Variants in MDGA2 observed in about 807,000 individuals in gnomAD.
MDGA2 encodes MAM domain-containing glycosylphosphatidylinositol anchor protein 2.
Under a neutral mutation model 117.8 loss-of-function variants are expected in MDGA2, and 40 were observed. The observed-to-expected ratio is 0.34, with a 90% CI of 0.26 to 0.44. MDGA2 has a LOEUF of 0.44. Ranked by LOEUF, MDGA2 falls within the 20% of genes least tolerant of loss-of-function variation. The probability of loss-of-function intolerance (pLI) is 1.00; values close to 1 mark genes in which losing one functional copy is unlikely to be tolerated. For synonymous variants in MDGA2, 452 were observed against 439.0 expected (o/e 1.03, Z -0.37); for missense variants, 1,123 against 1,250.6 (o/e 0.90, Z 1.54).
intron 9 of MDGA2, among the ~76,000 whole-genome samples, chr14:46,926,679 A>AG (rs1214208664): frequency 3.5e-5 from 3 of 85,620 alleles, no homozygotes; most frequent in African/African-American, 2.1e-4. Context: ...AATCTTGAGT[A>AG]AATTAATTAG....
At chr14:46,945,849 T>A (rs1185041096) in intron 9 of MDGA2, among the ~76,000 whole-genome samples, 1 of 152,038 alleles carries the variant, frequency 6.6e-6, no homozygotes, top group Non-Finnish European at 1.5e-5. Context: ...TCGTTTGTAG[T>A]AGAAAGGCTG....
At chr14:46,956,663 T>C (rs1413477526) in intron 9 of MDGA2, among the ~76,000 whole-genome samples, 1 of 151,728 alleles carries the variant, frequency 6.6e-6, no homozygotes, top group East Asian at 1.9e-4. Flanking sequence ...AAAAAAATGT[T>C]TGCAACTTGA....
chr14:47,244,963 C>T (rs761739115), intron 2 of MDGA2, among the ~76,000 whole-genome samples: 23 of 151,784 alleles, frequency 1.5e-4, no homozygotes, highest in Admixed American at 8.5e-4. Context: ...TGATGGTACA[C>T]TTCCACTTAA....
At chr14:47,447,863 ATT>A (rs1027311551) in intron 1 of MDGA2, among the ~76,000 whole-genome samples, 2 of 152,176 alleles carry the variant, frequency 1.3e-5, no homozygotes, top group Non-Finnish European at 2.9e-5. Flanking sequence ...CTCCTCTAAA[ATT>A]CTCTCATTTG....
chr14:46,929,643 A>T (rs1257659136), intron 9 of MDGA2, among the ~76,000 whole-genome samples: 1,176 of 19,404 alleles, frequency 0.061, 233 homozygotes, highest in Non-Finnish European at 0.071. Flanking sequence ...ATATATATAT[A>T]TATACATTTT....
At chr14:47,038,585 G>A (rs1888943478) in intron 7 of MDGA2, among the ~76,000 whole-genome samples, 1 of 151,922 alleles carries the variant, frequency 6.6e-6, no homozygotes, top group Non-Finnish European at 1.5e-5. Flanking sequence ...TTGATTTTTA[G>A]ATAAATTAGC....
intron 1 of MDGA2, among the ~76,000 whole-genome samples, chr14:47,504,817 C>G (rs1000588931): frequency 2.6e-5 from 4 of 152,134 alleles, no homozygotes; most frequent in African/African-American, 9.7e-5. Flanking sequence ...ATTCAACTAT[C>G]ATATGATCCA....
chr14:47,043,402 A>C (rs997406398), intron 7 of MDGA2, among the ~76,000 whole-genome samples: 6 of 151,990 alleles, frequency 3.9e-5, no homozygotes, highest in Non-Finnish European at 8.8e-5. Flanking sequence ...CAGCACCTAA[A>C]TTTTTTTGTG....
intron 1 of MDGA2, among the ~76,000 whole-genome samples, chr14:47,363,882 T>C (rs1410107218): frequency 6.6e-6 from 1 of 152,212 alleles, no homozygotes; most frequent in African/African-American, 2.4e-5. Context: ...GTAGAATGTA[T>C]GTATTTAAAT....
chr14:47,427,587 T>C (rs1203723826), intron 1 of MDGA2, among the ~76,000 whole-genome samples: 1 of 152,146 alleles, frequency 6.6e-6, no homozygotes, highest in African/African-American at 2.4e-5. Context: ...TGCAACATTC[T>C]CAGTAGAAGC....
At chr14:47,025,310 G>C (rs1401742640) in intron 8 of MDGA2, among the ~76,000 whole-genome samples, 1 of 152,102 alleles carries the variant, frequency 6.6e-6, no homozygotes, top group Non-Finnish European at 1.5e-5. Flanking sequence ...ACATTAAATT[G>C]CTTCTGGATT....
chr14:47,612,845 T>C (rs953323980), intron 1 of MDGA2, among the ~76,000 whole-genome samples: 4 of 152,234 alleles, frequency 2.6e-5, no homozygotes, highest in Admixed American at 6.5e-5. Flanking sequence ...ATGGTACTTA[T>C]TGATAAGGCA....
At chr14:47,609,219 C>T (rs1354763549) in intron 1 of MDGA2, among the ~76,000 whole-genome samples, 2 of 150,832 alleles carry the variant, frequency 1.3e-5, no homozygotes, top group African/African-American at 2.4e-5. Flanking sequence ...CCCTCCTACT[C>T]GTCTTCTCAA....
chr14:46,924,169 AT>A (rs1458980675), intron 9 of MDGA2, among the ~76,000 whole-genome samples: 4 of 152,018 alleles, frequency 2.6e-5, no homozygotes, highest in East Asian at 1.9e-4. Context: ...GATTTAAAAA[AT>A]ATCCCTAAAA....
chr14:47,149,645 G>T (rs1231175963), intron 3 of MDGA2, among the ~76,000 whole-genome samples: 2 of 152,036 alleles, frequency 1.3e-5, no homozygotes, highest in Non-Finnish European at 2.9e-5. Context: ...TTTTTTCATT[G>T]TCTGCACAGC....
At chr14:46,979,893 C>T (rs1886601247) in intron 8 of MDGA2, among the ~76,000 whole-genome samples, 1 of 152,180 alleles carries the variant, frequency 6.6e-6, no homozygotes, top group Non-Finnish European at 1.5e-5. Context: ...AAGGTGGCTA[C>T]ACCAAACAAC....
chr14:47,013,797 C>CTT (rs1309391446), intron 8 of MDGA2, among the ~76,000 whole-genome samples: 2 of 34,852 alleles, frequency 5.7e-5, no homozygotes, highest in Non-Finnish European at 1.3e-4. Context: ...TATATATCTC[C>CTT]TTTTTTTTTT....
intron 1 of MDGA2, among the ~76,000 whole-genome samples, chr14:47,527,053 C>T (rs1894986919): frequency 6.6e-6 from 1 of 152,180 alleles, no homozygotes; most frequent in Admixed American, 6.5e-5. Context: ...AAGCACCATA[C>T]TGAACAACCT....
At chr14:46,990,363 A>G (rs2138427851) in intron 8 of MDGA2, among the ~76,000 whole-genome samples, 1 of 152,208 alleles carries the variant, frequency 6.6e-6, no homozygotes, top group East Asian at 1.9e-4. Flanking sequence ...ATTACTAGAT[A>G]TAAATCATGA....
Sources: allele counts gnomAD v4.1 joint callset (sites outside exome capture counted in the v4.1 genomes callset), GRCh38; gene constraint gnomAD v4.1.1; transcripts MANE v1.5; gene names NCBI Gene and HGNC (gene_info 2026-07-23, HGNC 2026-07-21).